Variants in IDE observed in about 807,000 individuals in gnomAD.
IDE encodes insulin-degrading enzyme.
Under a neutral mutation model 133.2 loss-of-function variants are expected in IDE, and 58 were observed. The observed-to-expected ratio is 0.44, with a 90% CI of 0.35 to 0.54. The LOEUF is 0.54. Among genes scored for constraint, IDE ranks in the 20% least tolerant of loss-of-function variants. IDE has a pLI of 0.00. For synonymous variants in IDE, 396 were observed against 421.3 expected, an observed-to-expected ratio of 0.94 and a Z score of 0.73; for missense variants, 981 against 1,234.0, an observed-to-expected ratio of 0.79 and a Z score of 3.07.
chr10:92,458,488 CTGTTTTTTTTTTT>C (rs747285287), intron 22 of IDE, among the ~76,000 whole-genome samples: 1 of 114,382 alleles, frequency 8.7e-6, no homozygotes, highest in African/African-American at 3.2e-5. Context: ...AATACTCTCT[CTGTTTTTTTTTTT>C]TTTTTTTTTT....
Position 92,534,672 on chromosome 10 carries a change from C to G in IDE, c.397G>C (p.Glu133Gln). Residue 133 changes from glutamate (E) to glutamine (Q), a missense_variant, in exon 3 of 25, where the codon GAG becomes CAG. Transcript: ENST00000265986. Reference protein sequence around the residue: ...KENEYSQFLSEHAGSSNAFTS... With the variant: ...KENEYSQFLSQHAGSSNAFTS... ...AAGGCATTTGAACTTCCTGCATGCT[C>G]ACTGAGAAACTGGCTGTATTCATTT... 1 of 1,613,616 alleles carries G rather than the reference C, an allele frequency of 6.2e-7. No homozygotes were observed. The highest frequency in any genetic ancestry group is 8.5e-7 in the Non-Finnish European group (1 of 1,179,642).
intron 21 of IDE, 31 bp from the exon 22 acceptor site, chr10:92,461,283 A>C: frequency 9.1e-7 from 1 of 1,098,524 alleles, no homozygotes; most frequent in Middle Eastern, 2.0e-4. Flanking sequence ...TATTTTACTA[A>C]CATTTTCATA....
intron 17 of IDE, among the ~76,000 whole-genome samples, chr10:92,471,621 T>C (rs1341728111): frequency 2.0e-5 from 3 of 150,764 alleles, no homozygotes; most frequent in Non-Finnish European, 4.4e-5. Context: ...CCCCCTTGTC[T>C]CTCTCTATTA....
intron 12 of IDE, 122 bp downstream of exon 12, chr10:92,490,371 T>C: frequency 1.4e-6 from 1 of 696,984 alleles, no homozygotes. Flanking sequence ...TCTCTTAGGA[T>C]GGTACAGATA....
chr10:92,508,294 T>C (rs1401476046), intron 7 of IDE, 89 bp from the exon 8 acceptor site: 2 of 952,550 alleles, frequency 2.1e-6, no homozygotes, highest in Non-Finnish European at 3.3e-6. Flanking sequence ...TACTGTATGT[T>C]CCTAAGATAT....
intron 20 of IDE, among the ~76,000 whole-genome samples, chr10:92,465,001 A>C (rs766437305): frequency 3.3e-5 from 5 of 152,186 alleles, no homozygotes; most frequent in Middle Eastern, 3.2e-3. Flanking sequence ...AACATTTACC[A>C]TGCTGTACTA....
intron 1 of IDE, among the ~76,000 whole-genome samples, chr10:92,567,873 A>G (rs1444403947): frequency 6.6e-6 from 1 of 152,190 alleles, no homozygotes; most frequent in Non-Finnish European, 1.5e-5. Context: ...CAGGAGGCTG[A>G]GGTGAGAGGA....
chr10:92,492,994 C>T (rs1847453763), intron 11 of IDE, among the ~76,000 whole-genome samples: 1 of 152,192 alleles, frequency 6.6e-6, no homozygotes, highest in South Asian at 2.1e-4. Flanking sequence ...TCTGGCCTAT[C>T]TGTCACTAAC....
intron 2 of IDE, among the ~76,000 whole-genome samples, chr10:92,535,205 G>A (rs1044765187): frequency 1.3e-5 from 2 of 152,166 alleles, no homozygotes; most frequent in African/African-American, 4.8e-5. Flanking sequence ...CTGGGTTCAC[G>A]CCATTCTCCT....
intron 3 of IDE, among the ~76,000 whole-genome samples, chr10:92,532,863 G>A (rs143552509): frequency 1.6e-4 from 25 of 152,226 alleles, no homozygotes; most frequent in East Asian, 1.2e-3. Context: ...CAGTTACTAC[G>A]CCTCACAGTC....
chr10:92,539,189 C>CT (rs879745601), intron 1 of IDE, among the ~76,000 whole-genome samples: 190 of 145,250 alleles, frequency 1.3e-3, no homozygotes, highest in African/African-American at 1.6e-3. Context: ...TCCCCTAGAT[C>CT]TTTTTTTTTT....
intron 1 of IDE, among the ~76,000 whole-genome samples, chr10:92,567,549 CAT>C (rs1265103621): frequency 1.3e-5 from 2 of 152,220 alleles, no homozygotes; most frequent in Non-Finnish European, 2.9e-5. Context: ...ATACAGCTTT[CAT>C]ATGTCACTGA....
intron 4 of IDE, among the ~76,000 whole-genome samples, chr10:92,524,506 TAATATATAATATATATTATATTATAA>T (rs1849502026): frequency 1.3e-5 from 1 of 79,592 alleles, no homozygotes. Context: ...ATATTTTATA[TAATATATAATATATATTATATTATAA>T]TATATTTTAT....
intron 4 of IDE, among the ~76,000 whole-genome samples, chr10:92,522,030 G>A (rs2135598118): frequency 6.6e-6 from 1 of 151,946 alleles, no homozygotes; most frequent in East Asian, 1.9e-4. Flanking sequence ...ATAGTATTTT[G>A]TGTTCTTTTG....
At chr10:92,545,100 T>G (rs1208349026) in intron 1 of IDE, among the ~76,000 whole-genome samples, 1 of 152,174 alleles carries the variant, frequency 6.6e-6, no homozygotes, top group African/African-American at 2.4e-5. Flanking sequence ...TTAAAAAGAA[T>G]ATCATAGAAA....
intron 14 of IDE, chr10:92,480,437 T>C (rs1472010101): frequency 6.6e-6 from 1 of 152,156 alleles, no homozygotes; most frequent in Non-Finnish European, 1.5e-5. Flanking sequence ...TTGGTGACAG[T>C]GCTATGGGGT....
Position 92,469,124 on chromosome 10 carries a change from A to C in IDE, c.2209-134T>G, listed in dbSNP as rs1029702863. 1.5e-5 allele frequency: 9 copies of C among 601,542 alleles called. No homozygotes were observed. The African/African-American group carries it at 1.7e-4, about 11-fold the overall frequency. 37.3% of individuals were successfully genotyped at this position (601,542 alleles called of 1,614,324 possible). On this transcript the variant is annotated intron_variant, in intron 18 of 24. Transcript: ENST00000265986. ...ATTTGATCCTATTCAAATGGATAAA[A>C]ATTGAATTTGTCAGTATGGTCATTT... is the stretch of plus-strand genomic sequence containing the variant.
rs900551484 is a variant in IDE at position 92,470,452 on chromosome 10, G to A, written c.2117-107C>T. On this transcript the variant is annotated intron_variant, in intron 17 of 24. Coordinates refer to ENST00000265986, the MANE Select transcript of IDE (RefSeq NM_004969.4). Reference sequence around the variant, plus strand: ...TGCAAAAATAGTACACAGAGCTCCTGTAAACACTTCACCTAGTTTTCCCTA... The same window carrying A: ...TGCAAAAATAGTACACAGAGCTCCTATAAACACTTCACCTAGTTTTCCCTA... 8.5e-5 allele frequency: 46 copies of A among 543,898 alleles called. No homozygotes were observed. The Admixed American group carries it at 1.6e-3, about 19-fold the overall frequency. 33.7% of individuals were successfully genotyped at this position (543,898 alleles called of 1,614,324 possible).
chr10:92,494,370 GTTT>G (rs552537353), intron 11 of IDE, among the ~76,000 whole-genome samples: 1 of 138,456 alleles, frequency 7.2e-6, no homozygotes, highest in Non-Finnish European at 1.6e-5. Context: ...GCCCAGCCCA[GTTT>G]TTTTTTTTTT....
Sources: allele counts gnomAD v4.1 joint callset (sites outside exome capture counted in the v4.1 genomes callset), GRCh38; gene constraint gnomAD v4.1.1; transcripts MANE v1.5; gene names NCBI Gene and HGNC (gene_info 2026-07-23, HGNC 2026-07-21).